Variants in DNAH7 observed in about 807,000 individuals in gnomAD.
DNAH7 encodes the protein axonemal beta dynein heavy chain 7.
In DNAH7, 397 loss-of-function variants were observed where a neutral mutation model predicts 444.6. The observed-to-expected ratio is 0.89, with a 90% CI of 0.82 to 0.97. DNAH7 has a LOEUF of 0.97. DNAH7 is among the 50% of genes least tolerant of loss of function. DNAH7 has a pLI of 0.00. For missense variants in DNAH7, 4,902 were observed against 4,800.8 expected (o/e 1.02, Z -0.62); for synonymous variants, 1,636 against 1,624.4 (o/e 1.01, Z -0.17).
chr2:195,867,212 G>A (rs929358285), intron 40 of DNAH7, among the ~76,000 whole-genome samples: 2 of 151,872 alleles, frequency 1.3e-5, no homozygotes, highest in Non-Finnish European at 1.5e-5. Flanking sequence ...AAAATTTCCA[G>A]CACCTTAGTA....
chr2:196,039,061 A>G (rs1432801346), intron 5 of DNAH7, among the ~76,000 whole-genome samples: 2 of 152,204 alleles, frequency 1.3e-5, no homozygotes, highest in African/African-American at 4.8e-5. Flanking sequence ...GTTCCTTTCA[A>G]TAGCTACAAA....
intron 31 of DNAH7, among the ~76,000 whole-genome samples, chr2:195,889,245 G>GCTTC (rs1254092651): frequency 5.3e-5 from 8 of 151,408 alleles, no homozygotes; most frequent in African/African-American, 1.9e-4. Flanking sequence ...TTTCTCTCTT[G>GCTTC]CTTCCTTCCT....
chr2:195,949,449 A>G (rs1235542806), intron 19 of DNAH7, among the ~76,000 whole-genome samples: 1 of 151,960 alleles, frequency 6.6e-6, no homozygotes, highest in African/African-American at 2.4e-5. Context: ...ACACCTGGCT[A>G]ATTTTCGTAT....
rs1236376514 is a variant in DNAH7, at chr2:195,861,945, G to C, written c.7508C>G (p.Ser2503Ter). 6.2e-7 allele frequency: 1 copy of C among 1,607,634 alleles called. No homozygotes were observed. The highest frequency in any genetic ancestry group is 8.5e-7 in the Non-Finnish European group (1 of 1,174,386). The change falls in exon 42 of 65, where the codon TCA becomes TGA. Residue 2503 changes from serine (S) to a stop codon, truncating the protein, a stop_gained and splice_region_variant. Transcript: ENST00000312428. LOFTEE classifies it high-confidence loss of function. ...VNCCTIDWFQ[S>*]WPEDALQAVA... ...TGCCTGGAGTGCATCTTCAGGCCAT[G>C]ACTAAATGTAAGATAAATGCTTTAG... is the stretch of plus-strand genomic sequence containing the variant.
chr2:195,748,578 T>C (rs1693577131), intron 63 of DNAH7, among the ~76,000 whole-genome samples: 1 of 152,130 alleles, frequency 6.6e-6, no homozygotes, highest in Admixed American at 6.5e-5. Flanking sequence ...CTACCTGACT[T>C]CAAACTATAC....
chr2:195,843,940 C>CA (rs887011003), intron 47 of DNAH7, among the ~76,000 whole-genome samples: 14 of 151,706 alleles, frequency 9.2e-5, no homozygotes, highest in Admixed American at 7.9e-4. Flanking sequence ...ACTAAAAATA[C>CA]AAAAAATTAG....
In DNAH7 at chr2:195,847,118, G is replaced by A. The variant is rs375679970; in HGVS notation, c.8782-1953C>T. 2.5e-4 allele frequency among the ~76,000 whole-genome samples: 34 copies of A among 136,484 alleles called. 1 individual carries two copies. In the East Asian group the frequency reaches 4.4e-3, roughly 18 times the overall value. 89.5% of individuals were successfully genotyped at this position (136,484 alleles called of 152,430 possible). A position where few individuals can be genotyped will look rare whatever the true frequency, so the allele number is the denominator to read the frequency against. On this transcript the variant is annotated intron_variant, in intron 46 of 64. Coordinates refer to ENST00000312428, the MANE Select transcript of DNAH7 (RefSeq NM_018897.3). ...CTGATTCTTCAGATGGTGGGATATC[G>A]GATATATATATATCTTATATATATA...
At chr2:195,929,380 A>G (rs1449655740) in intron 21 of DNAH7, among the ~76,000 whole-genome samples, 2 of 152,224 alleles carry the variant, frequency 1.3e-5, no homozygotes, top group East Asian at 3.8e-4. Flanking sequence ...ACCATTCTAA[A>G]ATTCACATGG....
At chr2:195,972,149 T>C (rs1691887745) in intron 16 of DNAH7, 93 bp downstream of exon 16, 3 of 978,118 alleles carry the variant, frequency 3.1e-6, no homozygotes, top group Middle Eastern at 3.3e-4. Context: ...GCTAAAAAAG[T>C]ATGCACTCAA....
Position 195,794,392 on chromosome 2 carries a change from T to A in DNAH7, c.10662A>T (p.Ser3554=). ...PKGLRANIIR[S]YLMDPISDPE... ...GATCAGAGATCGGGTCCATGAGGTA[T>A]GATCGAATGATATTAGCCCGTAAAC... Residue 3554 remains serine, a synonymous_variant, in exon 57 of 65, where the codon TCA becomes TCT. Coordinates refer to ENST00000312428, the MANE Select transcript of DNAH7 (RefSeq NM_018897.3). 1 of 1,614,154 alleles carries A rather than the reference T, an allele frequency of 6.2e-7. No homozygotes were observed. Among genetic ancestry groups the A allele is most frequent in the Non-Finnish European group, 8.5e-7 (1 of 1,180,006 alleles).
chr2:195,746,133 A>T (rs2105889460), intron 63 of DNAH7, among the ~76,000 whole-genome samples: 1 of 152,350 alleles, frequency 6.6e-6, no homozygotes, highest in East Asian at 1.9e-4. Context: ...CATAGGCTCA[A>T]GATAAAAGGA....
intron 10 of DNAH7, among the ~76,000 whole-genome samples, chr2:196,010,130 CTCT>C (rs995461016): frequency 2.6e-4 from 39 of 151,746 alleles, no homozygotes; most frequent in Middle Eastern, 3.4e-3. Context: ...TCCCTCCCTG[CTCT>C]TCTTCTTCTT....
chr2:195,982,107 T>C (rs1047694078), intron 15 of DNAH7, among the ~76,000 whole-genome samples: 11 of 152,078 alleles, frequency 7.2e-5, no homozygotes, highest in African/African-American at 2.4e-4. Context: ...ATTGCAGCAC[T>C]ATACAAGGAG....
chr2:195,781,950 G>C lies in DNAH7; in HGVS notation c.10879-3965C>G, dbSNP rs115165875. Among the ~76,000 whole-genome samples, 12 of 144,432 alleles carry C rather than the reference G, an allele frequency of 8.3e-5. No homozygotes were observed. In the East Asian group the frequency reaches 2.6e-3, roughly 31 times the overall value. 94.8% of individuals were successfully genotyped at this position (144,432 alleles called of 152,430 possible). ...TTGCCTTGGGGATCAGTTAGGGTCA[G>C]AATGAGGGGTGAGAGGTGGGTCTTA... is the stretch of plus-strand genomic sequence containing the variant. On this transcript the variant is annotated intron_variant, in intron 58 of 64. Transcript: ENST00000312428.
rs1225249816 is a variant in DNAH7 at position 195,774,916 on chromosome 2, T to A, written c.11202+930A>T. 2.0e-5 allele frequency among the ~76,000 whole-genome samples: 3 copies of A among 152,344 alleles called. No homozygotes were observed. In the East Asian group the frequency reaches 5.8e-4, roughly 29 times the overall value. ...CTTAATTCATCAAAATTTTATTGAA[T>A]CATTATGGGAACTCTTGCCATTTGG... On this transcript the variant is annotated intron_variant, in intron 60 of 64. Transcript: ENST00000312428.
At chr2:195,897,576 G>A in intron 29 of DNAH7, 91 bp downstream of exon 29, 1 of 688,716 alleles carries the variant, frequency 1.5e-6, no homozygotes, top group South Asian at 2.2e-5. Flanking sequence ...CTGTGTCATT[G>A]TTTTCCATAG....
chr2:195,891,407 G>A (rs2125224479), intron 31 of DNAH7, among the ~76,000 whole-genome samples: 1 of 151,792 alleles, frequency 6.6e-6, no homozygotes, highest in East Asian at 1.9e-4. Context: ...GAAATACTTT[G>A]CCCTGGCCTT....
At chr2:196,023,810 TA>T (rs745704915) in intron 8 of DNAH7, among the ~76,000 whole-genome samples, 13 of 152,194 alleles carry the variant, frequency 8.5e-5, no homozygotes, top group Non-Finnish European at 1.8e-4. Context: ...TAATTATTTC[TA>T]GCTTTTGATT....
At position 195,737,956 on chromosome 2, in the gene DNAH7, G is replaced by A. The variant is rs554368145; in HGVS notation, c.12040C>T (p.Arg4014Ter). ...SDQPKEHWIG[R>*]GVALLCQLNS ...AGTTGACATAACAGTGCTACACCTCGTCCAATCCAGTGTTCCTTGGGTTGG... is the reference window on the plus strand; with the variant it reads ...AGTTGACATAACAGTGCTACACCTCATCCAATCCAGTGTTCCTTGGGTTGG... Residue 4014 changes from arginine to a stop codon, truncating the protein, a stop_gained, in exon 65 of 65, where the codon CGA (arginine) becomes TGA (stop). Transcript: ENST00000312428. LOFTEE classifies it high-confidence loss of function. 38 of 1,613,974 alleles carry A rather than the reference G, an allele frequency of 2.4e-5. No individual in the cohort carries two copies. Among genetic ancestry groups the A allele is most frequent in the Admixed American group, 1.0e-4 (6 of 60,008 alleles).
Sources: gnomAD v4.1 joint callset for allele counts (sites outside exome capture counted in the v4.1 genomes callset) on GRCh38, gnomAD v4.1.1 for gene constraint, MANE v1.5 for transcripts, NCBI Gene and HGNC (gene_info 2026-07-23, HGNC 2026-07-21) for gene names.